Variants in MTX2 observed in about 807,000 individuals in gnomAD.
MTX2 encodes metaxin-2.
A neutral mutation model predicts 42.3 loss-of-function variants in MTX2; 35 were observed. The ratio of observed to expected loss-of-function variants is 0.83; its 90% CI spans 0.63 to 1.10. The LOEUF (loss-of-function observed/expected upper bound fraction) is 1.10, where lower values mean the gene tolerates loss of function less well. Among genes scored for constraint, MTX2 ranks in the 50% least tolerant of loss-of-function variants. The pLI, the probability that MTX2 is intolerant of heterozygous loss-of-function variation, is 0.00. For missense variants in MTX2, 307 were observed against 304.1 expected, an observed-to-expected ratio of 1.01 and a Z score of -0.07; for synonymous variants, 119 against 100.9, an observed-to-expected ratio of 1.18 and a Z score of -1.08.
intron 9 of MTX2, among the ~76,000 whole-genome samples, chr2:176,334,027 C>T (rs1453545079): frequency 6.6e-6 from 1 of 151,776 alleles, no homozygotes; most frequent in African/African-American, 2.4e-5. Context: ...AATTCTACTT[C>T]TGTTGATGTT....
intron 3 of MTX2, among the ~76,000 whole-genome samples, chr2:176,311,555 C>T (rs72925119): frequency 0.13 from 19,826 of 152,216 alleles, 1,673 homozygotes; most frequent in South Asian, 0.3. Flanking sequence ...CAGTGGGCTC[C>T]GCCCAGTTTG....
chr2:176,332,348 G>C (rs1422028257), intron 9 of MTX2, among the ~76,000 whole-genome samples: 3 of 151,222 alleles, frequency 2.0e-5, no homozygotes, highest in Non-Finnish European at 4.4e-5. Flanking sequence ...TCATTACTTT[G>C]TGAGATACTA....
At chr2:176,305,802 T>C (rs1340363893) in intron 3 of MTX2, among the ~76,000 whole-genome samples, 1 of 152,160 alleles carries the variant, frequency 6.6e-6, no homozygotes, top group Non-Finnish European at 1.5e-5. Flanking sequence ...TATGAAGTGA[T>C]ATGTCTTCAA....
chr2:176,275,027 T>C lies in MTX2; in HGVS notation c.40+5358T>C, dbSNP rs549176461. ...TATTCAGTGTAGGTAAGCTGATGTG[T>C]CCCAAAGCCATCACACGTGTGTGTG... On this transcript the variant is annotated intron_variant, in intron 1 of 9. Transcript: ENST00000249442. Among the ~76,000 whole-genome samples, 9 of 152,304 alleles carry C rather than the reference T, an allele frequency of 5.9e-5. No individual in the cohort carries two copies. The East Asian group carries it at 1.7e-3, about 29-fold the overall frequency.
intron 1 of MTX2, among the ~76,000 whole-genome samples, chr2:176,280,867 G>A (rs1693062764): frequency 1.3e-5 from 2 of 152,230 alleles, no homozygotes; most frequent in South Asian, 2.1e-4. Flanking sequence ...TCTAAGGAGA[G>A]CGTCATGGAC....
intron 3 of MTX2, among the ~76,000 whole-genome samples, chr2:176,300,012 C>G (rs1158148309): frequency 1.3e-5 from 2 of 151,846 alleles, no homozygotes; most frequent in African/African-American, 2.4e-5. Context: ...AGCTATTTCC[C>G]CTTAGATTTG....
At chr2:176,335,900 A>C (rs1053436451) in intron 9 of MTX2, among the ~76,000 whole-genome samples, 1 of 152,076 alleles carries the variant, frequency 6.6e-6, no homozygotes, top group Non-Finnish European at 1.5e-5. Context: ...AGCTCAGGGG[A>C]GACATTAGGA....
At chr2:176,283,641 C>T (rs937812150) in intron 1 of MTX2, among the ~76,000 whole-genome samples, 1 of 152,136 alleles carries the variant, frequency 6.6e-6, no homozygotes, top group African/African-American at 2.4e-5. Context: ...TGTACAGTAC[C>T]TGGAACCATA....
chr2:176,301,798 G>A (rs2105418130), intron 3 of MTX2, among the ~76,000 whole-genome samples: 1 of 152,192 alleles, frequency 6.6e-6, no homozygotes, highest in African/African-American at 2.4e-5. Flanking sequence ...AGGAGTAAAA[G>A]AACATGTCTT....
intron 3 of MTX2, among the ~76,000 whole-genome samples, chr2:176,302,763 A>G (rs1490192905): frequency 1.3e-5 from 2 of 152,124 alleles, no homozygotes; most frequent in African/African-American, 4.8e-5. Context: ...TATAGGCCCC[A>G]TTAATGCTGG....
intron 3 of MTX2, among the ~76,000 whole-genome samples, chr2:176,310,153 C>T (rs555118532): frequency 1.3e-5 from 2 of 152,092 alleles, no homozygotes; most frequent in East Asian, 3.9e-4. Flanking sequence ...TTTATTTCTC[C>T]TTCACTTATG....
intron 3 of MTX2, among the ~76,000 whole-genome samples, chr2:176,302,612 A>G (rs1684051020): frequency 1.3e-5 from 2 of 151,800 alleles, no homozygotes; most frequent in South Asian, 2.1e-4. Context: ...ATTTTTTTGT[A>G]TTTTTAATAG....
intron 1 of MTX2, among the ~76,000 whole-genome samples, chr2:176,290,748 G>GTTTTTTTTTTTTTTTTTT (rs575119364): frequency 7.4e-6 from 1 of 134,436 alleles, no homozygotes. Flanking sequence ...GGAATAACTA[G>GTTTTTTTTTTTTTTTTTT]TTTTTTTTTT....
At chr2:176,275,990 T>C (rs943927213) in intron 1 of MTX2, among the ~76,000 whole-genome samples, 1 of 152,278 alleles carries the variant, frequency 6.6e-6, no homozygotes, top group African/African-American at 2.4e-5. Context: ...TGGGTTCTTA[T>C]TCAGCTACTT....
intron 3 of MTX2, among the ~76,000 whole-genome samples, chr2:176,314,430 C>G (rs1684389913): frequency 6.7e-6 from 1 of 149,668 alleles, no homozygotes; most frequent in Non-Finnish European, 1.5e-5. Flanking sequence ...GAGCAAGACT[C>G]TGTCTCAAAA....
At chr2:176,290,385 T>TC (rs1349456337) in intron 1 of MTX2, among the ~76,000 whole-genome samples, 1 of 152,124 alleles carries the variant, frequency 6.6e-6, no homozygotes, top group Non-Finnish European at 1.5e-5. Context: ...GCAAGACTCT[T>TC]CCTTGCTCTA....
chr2:176,269,849 C>T (rs938995380), intron 1 of MTX2, among the ~76,000 whole-genome samples, 180 bp downstream of exon 1: 1 of 152,176 alleles, frequency 6.6e-6, no homozygotes, highest in Non-Finnish European at 1.5e-5. Flanking sequence ...GAAGGAGACA[C>T]TTGGCCAAGG....
intron 3 of MTX2, among the ~76,000 whole-genome samples, chr2:176,301,459 G>A (rs2105417785): frequency 6.6e-6 from 1 of 152,166 alleles, no homozygotes; most frequent in Non-Finnish European, 1.5e-5. Flanking sequence ...GGTAAGTGCT[G>A]TATAAGGTAG....
In MTX2 at chr2:176,329,444, T is replaced by C. The variant is rs747391856; in HGVS notation, c.543+18T>C. On this transcript the variant is annotated intron_variant, in intron 8 of 9. Transcript: ENST00000249442. The stretch of plus-strand genomic sequence containing the variant: ...TGGACCAGGTCAGTTCAGGTTGAAG[T>C]TGACAAAACCCTCAACTTTTATGCA... The C allele has an allele frequency of 5.0e-6, 8 of 1,594,554 alleles. No individual in the cohort carries two copies. The highest frequency in any genetic ancestry group is 6.8e-6 in the Non-Finnish European group (8 of 1,169,554).
Sources: allele counts gnomAD v4.1 joint callset (sites outside exome capture counted in the v4.1 genomes callset), GRCh38; gene constraint gnomAD v4.1.1; transcripts MANE v1.5; gene names NCBI Gene and HGNC (gene_info 2026-07-23, HGNC 2026-07-21).